MNS1: variants seen among roughly 807,000 people sequenced by gnomAD.
MNS1 encodes the protein meiosis specific nuclear structural 1.
In MNS1, 63 loss-of-function variants were observed where a neutral mutation model predicts 72.0. That is an observed-to-expected ratio of 0.87 (90% CI 0.71 to 1.08). The LOEUF is 1.08. Among genes scored for constraint, MNS1 ranks in the 50% least tolerant of loss-of-function variants. MNS1 has a pLI of 0.00. For synonymous variants in MNS1, 188 were observed against 172.1 expected (o/e 1.09, Z -0.72); for missense variants, 604 against 562.4 (o/e 1.07, Z -0.75).
chr15:56,429,069 A>G lies in MNS1; in HGVS notation c.*32T>C. The G allele has an allele frequency of 1.4e-6, 2 of 1,446,356 alleles. No individual in the cohort carries two copies. The highest frequency in any genetic ancestry group is 2.0e-5 in the Admixed American group (1 of 49,664). The allele number at this position is 1,446,356 out of a possible 1,614,324, so 89.6% of individuals were successfully genotyped here. On this transcript the variant is annotated 3_prime_UTR_variant, in exon 10 of 10. Coordinates refer to ENST00000260453, the MANE Select transcript of MNS1 (RefSeq NM_018365.4). ...TGCTGACATCTAGTGGTAACATGCA[A>G]AAAATCTATGCTTTACCCAATTTTG...
chr15:56,430,639 A>C (rs137997149), intron 9 of MNS1, among the ~76,000 whole-genome samples: 4,016 of 152,300 alleles, frequency 0.026, 175 homozygotes, highest in African/African-American at 0.091. Context: ...AGCTCAGTTC[A>C]ACCATGTGCC....
intron 7 of MNS1, among the ~76,000 whole-genome samples, chr15:56,436,543 A>G (rs1404714031): frequency 6.6e-6 from 1 of 152,188 alleles, no homozygotes; most frequent in African/African-American, 2.4e-5. Context: ...CACAATTAAA[A>G]GAACTAGAGA....
At chr15:56,437,856 C>T (rs2050754786) in intron 7 of MNS1, among the ~76,000 whole-genome samples, 1 of 149,596 alleles carries the variant, frequency 6.7e-6, no homozygotes, top group East Asian at 1.9e-4. Flanking sequence ...TGAGTGAACT[C>T]GATTCACAAT....
At chr15:56,456,334 G>A (rs759386278) in intron 3 of MNS1, 60 bp downstream of exon 3, 12 of 1,483,834 alleles carry the variant, frequency 8.1e-6, no homozygotes, top group Non-Finnish European at 1.1e-5. Flanking sequence ...AGGTGCTAAG[G>A]ATTACATAAG....
At chr15:56,437,129 G>A (rs890896202) in intron 7 of MNS1, among the ~76,000 whole-genome samples, 2 of 149,722 alleles carry the variant, frequency 1.3e-5, no homozygotes, top group East Asian at 3.9e-4. Context: ...CTGATACTTT[G>A]GTCGTCTGTC....
At chr15:56,431,565 ACTACT>A in intron 8 of MNS1, 67 bp from the exon 9 acceptor site, 1 of 1,525,968 alleles carries the variant, frequency 6.6e-7, no homozygotes, top group South Asian at 1.2e-5. Flanking sequence ...TTCAAATAAA[ACTACT>A]CATGCAATGA....
At chr15:56,443,913 T>G in intron 5 of MNS1, 59 bp from the exon 6 acceptor site, 1 of 1,252,346 alleles carries the variant, frequency 8.0e-7, no homozygotes, top group Non-Finnish European at 1.1e-6. Context: ...AAAAGTAATT[T>G]CATTTTGTTC....
chr15:56,449,047 A>C (rs1345867016), intron 3 of MNS1, among the ~76,000 whole-genome samples: 1 of 152,078 alleles, frequency 6.6e-6, no homozygotes, highest in Non-Finnish European at 1.5e-5. Context: ...GAGCCACCAC[A>C]CCCGGCTATT....
At chr15:56,444,097 C>T (rs1260135735) in intron 5 of MNS1, among the ~76,000 whole-genome samples, 1 of 151,942 alleles carries the variant, frequency 6.6e-6, no homozygotes, top group Non-Finnish European at 1.5e-5. Context: ...TTCATAAAGG[C>T]TACAATCTGT....
At chr15:56,439,342 A>T (rs2140345553) in intron 7 of MNS1, among the ~76,000 whole-genome samples, 1 of 152,224 alleles carries the variant, frequency 6.6e-6, no homozygotes, top group African/African-American at 2.4e-5. Flanking sequence ...CCCCAAACTG[A>T]TATTCAAATT....
chr15:56,429,653 A>G (rs2050511482), intron 9 of MNS1: 3 of 152,564 alleles, frequency 2.0e-5, no homozygotes, highest in Admixed American at 6.5e-5. Context: ...TTTGGAGTTA[A>G]GCCATTTAAG....
chr15:56,464,325 TAGTA>T (rs1255461733), intron 1 of MNS1, 78 bp from the exon 2 acceptor site: 2 of 1,059,160 alleles, frequency 1.9e-6, no homozygotes, highest in East Asian at 2.4e-5. Flanking sequence ...ATATAAACCT[TAGTA>T]AGAAAGGATA....
intron 7 of MNS1, among the ~76,000 whole-genome samples, chr15:56,435,702 C>T (rs1015569191): frequency 6.6e-6 from 1 of 151,906 alleles, no homozygotes; most frequent in East Asian, 1.9e-4. Flanking sequence ...AAAATAAAAC[C>T]CCAAGTCAGG....
At chr15:56,463,911 G>C (rs2051039979) in intron 2 of MNS1, 115 bp downstream of exon 2, 7 of 807,348 alleles carry the variant, frequency 8.7e-6, no homozygotes, top group Non-Finnish European at 1.4e-5. Context: ...GCACAATCAG[G>C]CATCACTTAC....
intron 9 of MNS1, chr15:56,429,480 T>C (rs533654983): frequency 3.5e-6 from 1 of 289,516 alleles, no homozygotes; most frequent in South Asian, 4.7e-5. Context: ...ATTACCTAGA[T>C]AGGAAGGCAC....
At position 56,444,598 on chromosome 15, in the gene MNS1, C is replaced by A. The variant is rs532301407; in HGVS notation, c.532G>T (p.Asp178Tyr). Residue 178 changes from aspartate (D) to tyrosine (Y), a missense_variant, in exon 5 of 10, where the codon GAC becomes TAC. Coordinates refer to ENST00000260453, the MANE Select transcript of MNS1 (RefSeq NM_018365.4). ...TGTGCTTTCGCTTTGTTTCGTTTGT[C>A]TTCTGCAGCATTCTCTTCCTTTATT... Reference protein sequence around the residue: ...RIIKEENAAEDKRNKAKAQYY... With the variant: ...RIIKEENAAEYKRNKAKAQYY... 14 of 1,613,038 alleles carry A rather than the reference C, an allele frequency of 8.7e-6. No homozygotes were observed. In the South Asian group the frequency reaches 1.5e-4, roughly 18 times the overall value.
In MNS1 at chr15:56,464,072, A is replaced by G. The variant is rs529088367; in HGVS notation, c.179T>C (p.Leu60Ser). The change falls in exon 2 of 10, where the codon TTA (leucine) becomes TCA (serine). Residue 60 changes from leucine (L) to serine (S), a missense_variant. Transcript: ENST00000260453. ...ATCCAACTCAAATTGTTCATTTTGT[A>G]ATAATCTGAGAAATTGCTTGCGCTG... ...RVQRKQFLRL[L>S]QNEQFELDME... is the part of the protein sequence containing the mutation. 14 of 1,613,966 alleles carry G rather than the reference A, an allele frequency of 8.7e-6. No individual in the cohort carries two copies. The South Asian group carries it at 1.2e-4, about 14-fold the overall frequency.
Position 56,464,995 on chromosome 15 carries a change from C to CT in MNS1, c.-24dup, listed in dbSNP as rs753888730. ...CATCTTGGCTGACGAAAAATACCCCCTCTCGTGGGACCGCGGCCACCACCT... is the reference window on the plus strand; with the variant it reads ...CATCTTGGCTGACGAAAAATACCCCCTTCTCGTGGGACCGCGGCCACCACCT... On this transcript the variant is annotated 5_prime_UTR_variant, in exon 1 of 10. Coordinates refer to ENST00000260453, the MANE Select transcript of MNS1 (RefSeq NM_018365.4). 2.5e-6 allele frequency: 4 copies of CT among 1,608,858 alleles called. No homozygotes were observed. In the Admixed American group the frequency reaches 6.8e-5, roughly 27 times the overall value.
intron 7 of MNS1, among the ~76,000 whole-genome samples, chr15:56,436,167 C>A (rs1411500089): frequency 1.3e-5 from 2 of 152,108 alleles, no homozygotes; most frequent in African/African-American, 4.8e-5. Flanking sequence ...TTCTCAGCAC[C>A]ACACCGCACT....
Sources: allele counts gnomAD v4.1 joint callset (sites outside exome capture counted in the v4.1 genomes callset), GRCh38; gene constraint gnomAD v4.1.1; transcripts MANE v1.5; gene names NCBI Gene and HGNC (gene_info 2026-07-23, HGNC 2026-07-21).